CACNA2D3: variants seen among roughly 807,000 people sequenced by gnomAD.
CACNA2D3 encodes the protein calcium voltage-gated channel auxiliary subunit alpha2delta 3.
In CACNA2D3, 60 loss-of-function variants were observed where a neutral mutation model predicts 160.6. The ratio of observed to expected loss-of-function variants is 0.37; its 90% CI spans 0.30 to 0.46. The LOEUF (loss-of-function observed/expected upper bound fraction) is 0.46, where lower values mean the gene tolerates loss of function less well. Among genes scored for constraint, CACNA2D3 ranks in the 20% least tolerant of loss-of-function variants. The probability of loss-of-function intolerance (pLI) is 1.00; values close to 1 mark genes in which losing one functional copy is unlikely to be tolerated. For missense variants in CACNA2D3, 1,205 were observed against 1,365.0 expected, an observed-to-expected ratio of 0.88 and a Z score of 1.85; for synonymous variants, 558 against 492.9, an observed-to-expected ratio of 1.13 and a Z score of -1.75.
At chr3:54,402,157 A>G (rs1699479502) in intron 4 of CACNA2D3, among the ~76,000 whole-genome samples, 1 of 152,174 alleles carries the variant, frequency 6.6e-6, no homozygotes, top group Non-Finnish European at 1.5e-5. Flanking sequence ...AAAAGAATAA[A>G]AACTTAGCAC....
At chr3:54,135,349 T>C (rs985217293) in intron 2 of CACNA2D3, among the ~76,000 whole-genome samples, 5 of 152,228 alleles carry the variant, frequency 3.3e-5, no homozygotes, top group African/African-American at 1.2e-4. Context: ...GTCAGGCATC[T>C]TCATGCAGGA....
intron 11 of CACNA2D3, among the ~76,000 whole-genome samples, chr3:54,715,917 C>A (rs1200804412): frequency 1.3e-5 from 2 of 152,106 alleles, no homozygotes; most frequent in African/African-American, 4.8e-5. Flanking sequence ...GAATTGAAGT[C>A]ATGTTGATCA....
chr3:54,645,989 T>A (rs1699627291), intron 11 of CACNA2D3, among the ~76,000 whole-genome samples: 1 of 152,026 alleles, frequency 6.6e-6, no homozygotes. Context: ...ACCTTCTGTG[T>A]GGGCAGGACC....
At chr3:54,308,840 C>T (rs1232735658) in intron 2 of CACNA2D3, among the ~76,000 whole-genome samples, 2 of 151,962 alleles carry the variant, frequency 1.3e-5, no homozygotes, top group Non-Finnish European at 2.9e-5. Flanking sequence ...TTTCTGGGAG[C>T]AGGAAAGGTG....
intron 4 of CACNA2D3, among the ~76,000 whole-genome samples, chr3:54,420,123 C>T (rs573874536): frequency 3.1e-4 from 47 of 151,960 alleles, no homozygotes; most frequent in Non-Finnish European, 5.7e-4. Flanking sequence ...CTCGCTCTGT[C>T]GCCCAGGCTG....
At chr3:54,675,429 C>T (rs1387684794) in intron 11 of CACNA2D3, among the ~76,000 whole-genome samples, 2 of 152,142 alleles carry the variant, frequency 1.3e-5, no homozygotes, top group Non-Finnish European at 2.9e-5. Flanking sequence ...GTGTTGAGGG[C>T]TGACCTGAAG....
chr3:54,474,346 A>G (rs971340651), intron 4 of CACNA2D3, among the ~76,000 whole-genome samples: 1 of 152,108 alleles, frequency 6.6e-6, no homozygotes. Context: ...GGAGCTGAAC[A>G]ATGAGAACAC....
At chr3:55,013,202 C>A (rs1703248123) in intron 34 of CACNA2D3, among the ~76,000 whole-genome samples, 1 of 152,152 alleles carries the variant, frequency 6.6e-6, no homozygotes, top group East Asian at 1.9e-4. Flanking sequence ...GTTCAACATA[C>A]CTGAGGGGTG....
intron 23 of CACNA2D3, among the ~76,000 whole-genome samples, chr3:54,886,935 C>CTTTTTTTTTTTTTTT (rs60899252): frequency 5.6e-5 from 6 of 107,754 alleles, no homozygotes; most frequent in Non-Finnish European, 6.9e-5. Context: ...CAGCAAAGCT[C>CTTTTTTTTTTTTTTT]TTTTTTTTTT....
intron 2 of CACNA2D3, among the ~76,000 whole-genome samples, chr3:54,246,415 G>A (rs576998001): frequency 4.2e-4 from 64 of 152,316 alleles, no homozygotes; most frequent in African/African-American, 1.5e-3. Context: ...CCTGGGGGCC[G>A]GATGCGATGG....
chr3:54,151,597 G>A (rs1289023431), intron 2 of CACNA2D3, among the ~76,000 whole-genome samples: 2 of 152,154 alleles, frequency 1.3e-5, no homozygotes, highest in Non-Finnish European at 2.9e-5. Flanking sequence ...AGTGAGCAAG[G>A]TCACCAGGAT....
At chr3:54,843,023 GC>G (rs1209648826) in intron 16 of CACNA2D3, among the ~76,000 whole-genome samples, 5 of 149,400 alleles carry the variant, frequency 3.3e-5, no homozygotes, top group Non-Finnish European at 5.9e-5. Flanking sequence ...TGTTGCCCAG[GC>G]TAGAGTGCAG....
chr3:54,244,942 T>G (rs190188096), intron 2 of CACNA2D3, among the ~76,000 whole-genome samples: 52 of 152,350 alleles, frequency 3.4e-4, no homozygotes, highest in Middle Eastern at 3.4e-3. Context: ...TACTTTTGCC[T>G]TTTATGCGGA....
intron 2 of CACNA2D3, among the ~76,000 whole-genome samples, chr3:54,293,379 A>G (rs1231223847): frequency 6.6e-6 from 1 of 152,060 alleles, no homozygotes; most frequent in Non-Finnish European, 1.5e-5. Context: ...GAGTCCCCAT[A>G]GTCCATTATA....
At chr3:54,706,321 T>C (rs1378074905) in intron 11 of CACNA2D3, among the ~76,000 whole-genome samples, 2 of 152,226 alleles carry the variant, frequency 1.3e-5, no homozygotes, top group Non-Finnish European at 2.9e-5. Context: ...CCCAACATTT[T>C]CTTCCCAAAG....
intron 17 of CACNA2D3, 126 bp downstream of exon 17, chr3:54,846,593 A>C (rs1575508629): frequency 1.6e-6 from 1 of 610,338 alleles, no homozygotes. Flanking sequence ...ATAGCATTGT[A>C]AAGATTGTTA....
At chr3:54,141,225 C>T (rs1699929137) in intron 2 of CACNA2D3, among the ~76,000 whole-genome samples, 1 of 152,082 alleles carries the variant, frequency 6.6e-6, no homozygotes, top group African/African-American at 2.4e-5. Flanking sequence ...AAAAAATTCC[C>T]TAAAAGCTCT....
intron 27 of CACNA2D3, among the ~76,000 whole-genome samples, chr3:54,942,133 A>G (rs569384114): frequency 3.3e-5 from 5 of 152,356 alleles, no homozygotes; most frequent in African/African-American, 1.2e-4. Flanking sequence ...TACCTTAGCC[A>G]TGGCATCCCA....
Position 54,626,467 on chromosome 3 carries a change from C to T in CACNA2D3, c.964-1320C>T. 6 of 1,603,782 alleles carry T rather than the reference C, an allele frequency of 3.7e-6. No homozygotes were observed. In the South Asian group the frequency reaches 5.6e-5, roughly 15 times the overall value. ...GACGCACCTGCGTGACGTGATCATC[C>T]TGCCCGAGATGGTGGGCAGCATGGT... On this transcript the variant is annotated intron_variant, in intron 9 of 37. Transcript: ENST00000474759.
Sources: gnomAD v4.1 joint callset for allele counts (sites outside exome capture counted in the v4.1 genomes callset) on GRCh38, gnomAD v4.1.1 for gene constraint, MANE v1.5 for transcripts, NCBI Gene and HGNC (gene_info 2026-07-23, HGNC 2026-07-21) for gene names.